ARAP2: variants seen among roughly 807,000 people sequenced by gnomAD.
ARAP2 encodes arf-GAP with Rho-GAP domain, ANK repeat and PH domain-containing protein 2.
ARAP2 carries 148 observed loss-of-function variants against 194.5 expected under a neutral mutation model. That is an observed-to-expected ratio of 0.76 (90% confidence interval 0.67 to 0.87). The LOEUF is 0.87. Ranked by LOEUF, ARAP2 falls within the 40% of genes least tolerant of loss-of-function variation. ARAP2 has a pLI of 0.00. For synonymous variants in ARAP2, 695 were observed against 683.5 expected, an observed-to-expected ratio of 1.02 and a Z score of -0.26; for missense variants, 2,128 against 1,989.7, an observed-to-expected ratio of 1.07 and a Z score of -1.32.
At chr4:36,081,235 T>C (rs565137129) in intron 30 of ARAP2, among the ~76,000 whole-genome samples, 55 of 152,230 alleles carry the variant, frequency 3.6e-4, no homozygotes, top group Admixed American at 1.6e-3. Context: ...GAAGAAATAA[T>C]GATCAGAGGT....
At chr4:36,241,776 G>A (rs902173243) in intron 1 of ARAP2, among the ~76,000 whole-genome samples, 7 of 152,082 alleles carry the variant, frequency 4.6e-5, no homozygotes, top group African/African-American at 1.7e-4. Context: ...TTTCCACATG[G>A]TTTTATATTT....
Position 36,212,389 on chromosome 4 carries a change from C to A in ARAP2, c.1133+7G>T. ...ATAGTTAATCATCATCAATCATGAT[C>A]TCATACCTTGATTTGATGATAAAAG... On this transcript the variant is annotated splice_region_variant and intron_variant, in intron 5 of 32. Transcript: ENST00000303965. 6.3e-7 allele frequency: 1 copy of A among 1,597,090 alleles called. No individual in the cohort carries two copies. The highest frequency in any genetic ancestry group is 1.3e-5 in the African/African-American group (1 of 74,678).
intron 31 of ARAP2, among the ~76,000 whole-genome samples, chr4:36,074,828 T>C (rs1471110872): frequency 6.6e-6 from 1 of 152,126 alleles, no homozygotes; most frequent in Non-Finnish European, 1.5e-5. Flanking sequence ...AAATATTTAC[T>C]GTCTACCTAC....
At chr4:36,050,786 T>C (rs531352667) in intron 3 of ARAP2, among the ~76,000 whole-genome samples, 1 of 152,356 alleles carries the variant, frequency 6.6e-6, no homozygotes, top group South Asian at 2.1e-4. Context: ...TCTAGCAATT[T>C]ATTTTTATCT....
chr4:36,027,797 A>C (rs1223322461), intron 5 of ARAP2, among the ~76,000 whole-genome samples: 7 of 152,168 alleles, frequency 4.6e-5, no homozygotes, highest in Admixed American at 2.0e-4. Context: ...TCTAATGTGC[A>C]ATAAATTATT....
Position 36,091,993 on chromosome 4 carries a change from T to C in ARAP2, c.4313A>G (p.Glu1438Gly). ...SDRSTLGSIK[E>G]GILKIKEEPS... ...TTCTTCTTTGATTTTCAAGATTCCTTCTTTGATGCTTCCCAGTGTACTCCG... is the reference window on the plus strand; with the variant it reads ...TTCTTCTTTGATTTTCAAGATTCCTCCTTTGATGCTTCCCAGTGTACTCCG... The change falls in exon 28 of 33, where the codon GAA becomes GGA. Residue 1438 changes from glutamate to glycine, a missense_variant. By Grantham distance (98) the Glu-to-Gly change is moderately conservative (BLOSUM62 -2). Coordinates refer to ENST00000303965, the MANE Select transcript of ARAP2 (RefSeq NM_015230.4). The C allele has an allele frequency of 6.2e-7, 1 of 1,603,188 alleles. No individual in the cohort carries two copies. The highest frequency in any genetic ancestry group is 8.5e-7 in the Non-Finnish European group (1 of 1,171,748).
chr4:36,229,290 A>T lies in ARAP2; in HGVS notation c.197T>A (p.Ile66Lys). The change falls in exon 2 of 33, where the codon ATA becomes AAA. Residue 66 changes from isoleucine (I) to lysine (K), a missense_variant. Transcript: ENST00000303965. ...HRRRILKQLQ[I>K]ILSKMQDIPI... ...AATATCTTGCATTTTTGACAAGATT[A>T]TCTGTAACTGTTTAAGTATCCTCCT... 6.2e-7 allele frequency: 1 copy of T among 1,614,038 alleles called. No homozygotes were observed. The highest frequency in any genetic ancestry group is 2.2e-5 in the East Asian group (1 of 44,884).
At chr4:36,137,332 G>A (rs767955751) in intron 19 of ARAP2, among the ~76,000 whole-genome samples, 1 of 151,832 alleles carries the variant, frequency 6.6e-6, no homozygotes, top group Non-Finnish European at 1.5e-5. Flanking sequence ...GAAAGGTTAA[G>A]TGATTTAGCT....
intron 24 of ARAP2, among the ~76,000 whole-genome samples, chr4:36,118,548 C>T (rs1344326671): frequency 6.6e-6 from 1 of 151,348 alleles, no homozygotes. Context: ...GCATTCAAAA[C>T]ATCTTTCTTT....
intron 5 of ARAP2, among the ~76,000 whole-genome samples, chr4:36,021,400 T>C (rs115937956): frequency 0.015 from 2,224 of 152,320 alleles, 49 homozygotes; most frequent in African/African-American, 0.048. Context: ...GGGAGGTGAT[T>C]GAATCACGGG....
chr4:36,088,678 C>T (rs1712605640), intron 28 of ARAP2, among the ~76,000 whole-genome samples: 1 of 152,050 alleles, frequency 6.6e-6, no homozygotes, highest in Non-Finnish European at 1.5e-5. Flanking sequence ...GAATACAATG[C>T]TATTATGATT....
intron 4 of ARAP2, 125 bp from the exon 5 acceptor site, chr4:36,212,612 T>C: frequency 1.8e-6 from 1 of 566,012 alleles, no homozygotes; most frequent in Non-Finnish European, 3.1e-6. Flanking sequence ...ATTAAATAAG[T>C]CTAATTACTT....
At chr4:36,102,293 T>C (rs1717164809) in intron 27 of ARAP2, among the ~76,000 whole-genome samples, 1 of 151,964 alleles carries the variant, frequency 6.6e-6, no homozygotes, top group Non-Finnish European at 1.5e-5. Context: ...TATCTTAATA[T>C]CCCAGGAGTT....
chr4:36,159,251 G>GA (rs1733347720), intron 14 of ARAP2, 80 bp downstream of exon 14: 1 of 1,314,108 alleles, frequency 7.6e-7, no homozygotes, highest in Admixed American at 2.9e-5. Context: ...TCTCTTATTT[G>GA]AAAAATCAAT....
intron 15 of ARAP2, among the ~76,000 whole-genome samples, chr4:36,155,041 G>T (rs565590703): frequency 1.3e-5 from 2 of 152,268 alleles, no homozygotes; most frequent in Admixed American, 6.5e-5. Context: ...CTTTGTGCCA[G>T]CAATTATATC....
At chr4:36,204,798 G>T (rs140592941) in intron 6 of ARAP2, among the ~76,000 whole-genome samples, 287 of 151,908 alleles carry the variant, frequency 1.9e-3, no homozygotes, top group Admixed American at 4.7e-3. Context: ...AGACCAGCCT[G>T]GCCAAGATGG....
intron 1 of ARAP2, among the ~76,000 whole-genome samples, chr4:36,240,925 C>T (rs1753388661): frequency 6.6e-6 from 1 of 152,104 alleles, no homozygotes; most frequent in African/African-American, 2.4e-5. Context: ...ATAGGAGGTA[C>T]CTAGGTTTAG....
chr4:36,082,182 C>T (rs1729716810), intron 30 of ARAP2, 69 bp downstream of exon 30: 2 of 1,429,552 alleles, frequency 1.4e-6, no homozygotes, highest in African/African-American at 2.9e-5. Flanking sequence ...TCTGCAATTA[C>T]TGAAATTATT....
Position 36,119,656 on chromosome 4 carries a change from G to A in ARAP2, c.3957C>T (p.Asp1319=), listed in dbSNP as rs202148866. ...TCTAACTATTACTACTCACTTGGGTGTCTTTCCACTTGGTAATAAAGCTAT... is the reference window on the plus strand; with the variant it reads ...TCTAACTATTACTACTCACTTGGGTATCTTTCCACTTGGTAATAAAGCTAT... The part of the protein sequence containing the change: ...IENSFITKWK[D]TQVSQAGDLL... The change falls in exon 24 of 33, where the codon GAC becomes GAT. Residue 1319 remains aspartate (D), a synonymous_variant. Coordinates refer to ENST00000303965, the MANE Select transcript of ARAP2 (RefSeq NM_015230.4). 3.8e-6 allele frequency: 6 copies of A among 1,598,508 alleles called. No individual in the cohort carries two copies. The Admixed American group carries it at 5.0e-5, about 13-fold the overall frequency.
Sources: allele counts gnomAD v4.1 joint callset (sites outside exome capture counted in the v4.1 genomes callset), GRCh38; gene constraint gnomAD v4.1.1; transcripts MANE v1.5; gene names NCBI Gene and HGNC (gene_info 2026-07-23, HGNC 2026-07-21).